The following KCNQ1OT1 variants were observed in gnomAD, a reference collection of about 807,000 sequenced individuals.
KCNQ1OT1 encodes KCNQ1 opposite strand/antisense transcript 1.
chr11:2,651,799 T>C lies in KCNQ1OT1; in HGVS notation n.48196A>G. 1 of 398,476 alleles carries C rather than the reference T, an allele frequency of 2.5e-6. No individual in the cohort carries two copies. The highest frequency in any genetic ancestry group is 4.4e-6 in the Non-Finnish European group (1 of 226,056). The allele number at this position is 398,476 out of a possible 1,614,324, so 24.7% of individuals were successfully genotyped here. A position where few individuals can be genotyped will look rare whatever the true frequency, so the allele number is the denominator to read the frequency against. On this transcript the variant is annotated non_coding_transcript_exon_variant, in exon 1 of 1. Transcript: ENST00000597346. This position sits in a 1 kb window ranked among gnomAD's most constrained non-coding sequence, Gnocchi z 6.1. ...TTTTGATTCCTGGGCCCCTTAAGAG[T>C]CCATTAGCATTGGAATGGAGCCCAC...
exon 1 of KCNQ1OT1, chr11:2,625,728 C>T (rs1400638923): frequency 2.5e-6 from 1 of 397,636 alleles, no homozygotes; most frequent in African/African-American, 2.1e-5. Context: ...CACCACCACG[C>T]CTGGCTAATT....
Position 2,690,718 on chromosome 11 carries a change from C to T in KCNQ1OT1, n.9277G>A. 1 of 398,586 alleles carries T rather than the reference C, an allele frequency of 2.5e-6. No individual in the cohort carries two copies. The highest frequency in any genetic ancestry group is 4.4e-6 in the Non-Finnish European group (1 of 226,078). 24.7% of individuals were successfully genotyped at this position (398,586 alleles called of 1,614,324 possible). ...AATTCCTGAGGGCTTTCCATTTGAT[C>T]CCAGTGGTTGAAGATGGAGTATGAT... On this transcript the variant is annotated non_coding_transcript_exon_variant, in exon 1 of 1. Coordinates refer to ENST00000597346, the Ensembl canonical transcript of KCNQ1OT1. This position sits in a 1 kb window ranked among gnomAD's most constrained non-coding sequence, Gnocchi z 5.1.
exon 1 of KCNQ1OT1, chr11:2,628,441 A>G (rs1367997258): frequency 5.0e-6 from 2 of 398,386 alleles, no homozygotes; most frequent in African/African-American, 4.1e-5. Flanking sequence ...TCTTCTTTGA[A>G]TAAATGTCTA....
At chr11:2,648,244 C>CT in exon 1 of KCNQ1OT1, 1 of 398,624 alleles carries the variant, frequency 2.5e-6, no homozygotes. Context: ...GATCTTTTGT[C>CT]TTTTTTACCT....
exon 1 of KCNQ1OT1, chr11:2,680,593 C>T (rs890271193): frequency 2.0e-5 from 8 of 398,330 alleles, no homozygotes; most frequent in Non-Finnish European, 2.2e-5. Flanking sequence ...TAGTCTCCCC[C>T]GATAGTAACA....
rs1590034626 is a variant in KCNQ1OT1 at position 2,690,121 on chromosome 11, G to A, written n.9874C>T. The A allele has an allele frequency of 5.0e-6, 2 of 399,000 alleles. No individual in the cohort carries two copies. The highest frequency in any genetic ancestry group is 7.1e-5 in the East Asian group (2 of 28,090). The allele number at this position is 399,000 out of a possible 1,614,324, so 24.7% of individuals were successfully genotyped here. ...CGCTCTTCCGGGGTTAGAACTGGGG[G>A]AGCAGGGACAAAAAGCGGGCAGCCC... On this transcript the variant is annotated non_coding_transcript_exon_variant, in exon 1 of 1. Coordinates refer to ENST00000597346, the Ensembl canonical transcript of KCNQ1OT1. This position sits in a 1 kb window ranked among gnomAD's most constrained non-coding sequence, Gnocchi z 5.1.
Position 2,687,955 on chromosome 11 carries a change from C to G in KCNQ1OT1, n.12040G>C. 2.5e-6 allele frequency: 1 copy of G among 398,790 alleles called. No individual in the cohort carries two copies. The highest frequency in any genetic ancestry group is 4.4e-5 in the Admixed American group (1 of 22,740). 24.7% of individuals were successfully genotyped at this position (398,790 alleles called of 1,614,324 possible). On this transcript the variant is annotated non_coding_transcript_exon_variant, in exon 1 of 1. Transcript: ENST00000597346. This position sits in a 1 kb window ranked among gnomAD's most constrained non-coding sequence, Gnocchi z 5.0. ...ACTTCTCCCACCCGCTGTGGGTCAG[C>G]CAGGCCGCTGCTTCCTGCTTCCCTT...
chr11:2,635,552 G>T (rs1481542744), exon 1 of KCNQ1OT1: 2 of 152,052 alleles, frequency 1.3e-5, no homozygotes, highest in Non-Finnish European at 2.9e-5. Context: ...TCTCTGTTTT[G>T]GTACCAGTAC....
At chr11:2,667,757 G>C (rs532565371) in exon 1 of KCNQ1OT1, 2 of 398,738 alleles carry the variant, frequency 5.0e-6, no homozygotes, top group Non-Finnish European at 8.8e-6. Flanking sequence ...GCTGGGCCTA[G>C]CGGCCCTGAA....
chr11:2,694,636 A>C lies in KCNQ1OT1; in HGVS notation n.5359T>G, dbSNP rs1314037195. 1.0e-5 allele frequency: 4 copies of C among 398,524 alleles called. No individual in the cohort carries two copies. The Admixed American group carries it at 1.8e-4, about 18-fold the overall frequency. The allele number at this position is 398,524 out of a possible 1,614,324, so 24.7% of individuals were successfully genotyped here. On this transcript the variant is annotated non_coding_transcript_exon_variant, in exon 1 of 1. Transcript: ENST00000597346. ...CAATAAATGAATGAAACCATTCAAC[A>C]GAAATCTGTGACACACCCACCATGT...
chr11:2,666,061 G>A, exon 1 of KCNQ1OT1: 1 of 398,648 alleles, frequency 2.5e-6, no homozygotes, highest in East Asian at 3.6e-5. Flanking sequence ...AAGAGGACAG[G>A]CCCATAAGCC....
exon 1 of KCNQ1OT1, chr11:2,648,981 C>CTTTTTCTTTTTTTTTTTT (rs1849710913): frequency 4.7e-6 from 1 of 213,306 alleles, no homozygotes; most frequent in African/African-American, 4.4e-5. Flanking sequence ...TTTTCTTTTT[C>CTTTTTCTTTTTTTTTTTT]TTTTTTTTTT....
chr11:2,665,612 G>A (rs1850053336), exon 1 of KCNQ1OT1: 1 of 397,260 alleles, frequency 2.5e-6, no homozygotes, highest in Non-Finnish European at 4.4e-6. Context: ...GACACACTTA[G>A]GCTGTACGGC....
At chr11:2,638,719 C>A (rs184667599) in exon 1 of KCNQ1OT1, 1 of 152,108 alleles carries the variant, frequency 6.6e-6, no homozygotes, top group Non-Finnish European at 1.5e-5. Context: ...TGAATGTTGG[C>A]CTGCCTTGCT....
At chr11:2,631,087 C>A (rs1030086423) in exon 1 of KCNQ1OT1, 10 of 398,384 alleles carry the variant, frequency 2.5e-5, no homozygotes, top group African/African-American at 1.9e-4. Context: ...AATTGTAATT[C>A]TTTGAGCTTC....
chr11:2,663,992 C>T lies in KCNQ1OT1; in HGVS notation n.36003G>A. 2.5e-6 allele frequency: 1 copy of T among 398,750 alleles called. No individual in the cohort carries two copies. The highest frequency in any genetic ancestry group is 3.6e-5 in the East Asian group (1 of 28,074). The allele number at this position is 398,750 out of a possible 1,614,324, so 24.7% of individuals were successfully genotyped here. A position where few individuals can be genotyped will look rare whatever the true frequency, so the allele number is the denominator to read the frequency against. ...CATCCATCCCCAAGCTCTCTGCCCA[C>T]TTTGGGTCTGGCACATTACCATTCT... On this transcript the variant is annotated non_coding_transcript_exon_variant, in exon 1 of 1. Coordinates refer to ENST00000597346, the Ensembl canonical transcript of KCNQ1OT1. This position sits in a 1 kb window ranked among gnomAD's most constrained non-coding sequence, Gnocchi z 5.2.
At chr11:2,694,824 G>A (rs1850647987) in exon 1 of KCNQ1OT1, 1 of 398,680 alleles carries the variant, frequency 2.5e-6, no homozygotes, top group Non-Finnish European at 4.4e-6. Context: ...GACTGAAGGG[G>A]ATGACAGATA....
exon 1 of KCNQ1OT1, chr11:2,665,756 GAA>G (rs1850056230): frequency 7.5e-6 from 3 of 398,434 alleles, no homozygotes; most frequent in Non-Finnish European, 1.3e-5. Context: ...CAGGCATGGA[GAA>G]GCCCTAGGAT....
In KCNQ1OT1 at chr11:2,608,567, C is replaced by T. The variant is rs1848920163; in HGVS notation, n.91428G>A. On this transcript the variant is annotated non_coding_transcript_exon_variant, in exon 1 of 1. Coordinates refer to ENST00000597346, the Ensembl canonical transcript of KCNQ1OT1. The surrounding 1 kb of genome is among the most constrained non-coding windows in gnomAD (Gnocchi z 4.6). ...CATAGCTCACTGTAACCTCGATCTC[C>T]TAGTCTCAAGTGATCCTTGCCCCTT... The T allele has an allele frequency of 2.5e-6, 1 of 398,448 alleles. No individual in the cohort carries two copies. Among genetic ancestry groups the T allele is most frequent in the Non-Finnish European group, 4.4e-6 (1 of 226,060 alleles). The allele number at this position is 398,448 out of a possible 1,614,324, so 24.7% of individuals were successfully genotyped here. A position where few individuals can be genotyped will look rare whatever the true frequency, so the allele number is the denominator to read the frequency against.
Sources: allele counts gnomAD v4.1 joint callset, GRCh38; gene constraint gnomAD v4.1.1; non-coding constraint Gnocchi (gnomAD v3.1); transcripts MANE v1.5; gene names NCBI Gene and HGNC (gene_info 2026-07-23, HGNC 2026-07-21).